Variants in FSHR observed in about 807,000 individuals in gnomAD.
The protein encoded by FSHR is follicle stimulating hormone receptor, also known as follicle-stimulating hormone receptor.
In FSHR, 46 loss-of-function variants were observed where a neutral mutation model predicts 52.1. The ratio of observed to expected loss-of-function variants is 0.88; its 90% CI spans 0.70 to 1.13. The LOEUF (loss-of-function observed/expected upper bound fraction) is 1.13. Among genes scored for constraint, FSHR ranks in the 50% most tolerant of loss-of-function variants. The pLI is 0.00. For synonymous variants in FSHR, 399 were observed against 309.6 expected (o/e 1.29, Z -3.03); for missense variants, 964 against 834.6 (o/e 1.16, Z -1.91).
At chr2:49,132,890 CAG>C (rs1246647194) in intron 1 of FSHR, among the ~76,000 whole-genome samples, 2 of 142,256 alleles carry the variant, frequency 1.4e-5, no homozygotes, top group Non-Finnish European at 3.0e-5. Flanking sequence ...AAAAACTATT[CAG>C]AGTTTCTTGA....
chr2:49,065,797 T>C (rs1669482220), intron 2 of FSHR, among the ~76,000 whole-genome samples: 1 of 151,952 alleles, frequency 6.6e-6, no homozygotes, highest in Non-Finnish European at 1.5e-5. Flanking sequence ...AATACCTAAA[T>C]TTTTGAAGGG....
intron 1 of FSHR, among the ~76,000 whole-genome samples, chr2:49,069,317 A>T (rs957401397): frequency 3.3e-5 from 5 of 152,024 alleles, no homozygotes; most frequent in African/African-American, 1.2e-4. Flanking sequence ...TCTGTTTGGA[A>T]CATTTCTCTC....
intron 1 of FSHR, among the ~76,000 whole-genome samples, chr2:49,121,922 G>T (rs1369552030): frequency 2.0e-5 from 3 of 151,920 alleles, no homozygotes; most frequent in Admixed American, 2.0e-4. Context: ...TGTTTTTCCA[G>T]TTATTTATTT....
intron 8 of FSHR, among the ~76,000 whole-genome samples, chr2:48,970,292 C>T (rs1379421218): frequency 2.6e-5 from 4 of 152,140 alleles, no homozygotes; most frequent in East Asian, 3.9e-4. Context: ...ACTAGTTGTT[C>T]ATGCTTTTAT....
At chr2:49,146,387 T>G (rs945728440) in intron 1 of FSHR, among the ~76,000 whole-genome samples, 9 of 152,062 alleles carry the variant, frequency 5.9e-5, no homozygotes, top group African/African-American at 2.2e-4. Context: ...CCAAGAGAAT[T>G]CAGGAGGGAT....
intron 1 of FSHR, among the ~76,000 whole-genome samples, chr2:49,075,483 A>G (rs182933064): frequency 1.1e-3 from 169 of 152,308 alleles, no homozygotes; most frequent in African/African-American, 4.0e-3. Flanking sequence ...TGGAAGGATT[A>G]AGACTAGAAA....
intron 8 of FSHR, among the ~76,000 whole-genome samples, chr2:48,974,159 C>A (rs1467866175): frequency 1.3e-5 from 2 of 152,104 alleles, no homozygotes; most frequent in African/African-American, 4.8e-5. Context: ...GGTGCTTCTG[C>A]AGCAGGTAAG....
intron 2 of FSHR, among the ~76,000 whole-genome samples, chr2:49,065,280 G>T (rs1255452087): frequency 6.6e-6 from 1 of 152,130 alleles, no homozygotes; most frequent in Non-Finnish European, 1.5e-5. Context: ...AAGTCTGGCA[G>T]CAGAGTGGCA....
At chr2:49,105,657 A>AGG (rs1322071274) in intron 1 of FSHR, among the ~76,000 whole-genome samples, 1 of 152,148 alleles carries the variant, frequency 6.6e-6, no homozygotes, top group Non-Finnish European at 1.5e-5. Flanking sequence ...GGCCCATCCC[A>AGG]GTCTCCACAT....
intron 9 of FSHR, 116 bp from the exon 10 acceptor site, chr2:48,964,082 TTC>T: frequency 1.0e-6 from 1 of 955,056 alleles, no homozygotes; most frequent in Non-Finnish European, 1.6e-6. Flanking sequence ...TTTTTTTTTC[TTC>T]TCACATCATA....
At chr2:49,063,997 TAAAA>T (rs1669411527) in intron 2 of FSHR, among the ~76,000 whole-genome samples, 1 of 151,164 alleles carries the variant, frequency 6.6e-6, no homozygotes, top group African/African-American at 2.4e-5. Flanking sequence ...ATGTGTCAAT[TAAAA>T]AATAATAAAA....
At chr2:48,974,773 G>A (rs1027919666) in intron 8 of FSHR, among the ~76,000 whole-genome samples, 1 of 152,092 alleles carries the variant, frequency 6.6e-6, no homozygotes, top group Non-Finnish European at 1.5e-5. Flanking sequence ...GGACAAAGAT[G>A]AGATAAGTAG....
chr2:48,994,351 A>G (rs574549861), intron 4 of FSHR, among the ~76,000 whole-genome samples: 1 of 152,214 alleles, frequency 6.6e-6, no homozygotes, highest in Admixed American at 6.5e-5. Flanking sequence ...GAGCTTCCAT[A>G]GCCACTGTAC....
chr2:49,051,317 G>C (rs1668847194), intron 2 of FSHR, among the ~76,000 whole-genome samples: 1 of 152,116 alleles, frequency 6.6e-6, no homozygotes, highest in African/African-American at 2.4e-5. Flanking sequence ...ATGTAGGAGA[G>C]TTCCAGTTGC....
intron 2 of FSHR, among the ~76,000 whole-genome samples, chr2:49,021,171 G>T (rs1320864616): frequency 6.6e-6 from 1 of 152,168 alleles, no homozygotes; most frequent in Non-Finnish European, 1.5e-5. Context: ...GGTGGAGGTT[G>T]TTGCAAGGCC....
At chr2:48,976,705 T>A (rs769807897) in intron 8 of FSHR, among the ~76,000 whole-genome samples, 3 of 152,228 alleles carry the variant, frequency 2.0e-5, no homozygotes, top group Non-Finnish European at 2.9e-5. Context: ...CCTGGATTAG[T>A]CTTGGAATGG....
chr2:49,076,476 C>G (rs1195703657), intron 1 of FSHR, among the ~76,000 whole-genome samples: 2 of 152,164 alleles, frequency 1.3e-5, no homozygotes, highest in African/African-American at 4.8e-5. Context: ...TGGGTCCTTC[C>G]CATAACACAT....
intron 8 of FSHR, among the ~76,000 whole-genome samples, chr2:48,980,309 G>C (rs771500044): frequency 3.3e-5 from 5 of 152,158 alleles, no homozygotes; most frequent in Non-Finnish European, 7.4e-5. Context: ...TCTGTAAATT[G>C]TATTCCCTTA....
At chr2:49,024,285 A>T (rs1667841069) in intron 2 of FSHR, among the ~76,000 whole-genome samples, 1 of 152,146 alleles carries the variant, frequency 6.6e-6, no homozygotes, top group South Asian at 2.1e-4. Flanking sequence ...ATTAAAAAAA[A>T]AAATAAGGGC....
Sources: allele counts gnomAD v4.1 joint callset (sites outside exome capture counted in the v4.1 genomes callset), GRCh38; gene constraint gnomAD v4.1.1; transcripts MANE v1.5; gene names NCBI Gene and HGNC (gene_info 2026-07-23, HGNC 2026-07-21).